Variants in PCDH9 observed in about 807,000 individuals in gnomAD.
PCDH9 encodes the protein protocadherin 9, also known as protocadherin-9.
PCDH9 carries 24 observed loss-of-function variants against 70.6 expected under a neutral mutation model. That is an observed-to-expected ratio of 0.34 (90% CI 0.25 to 0.48). The LOEUF (loss-of-function observed/expected upper bound fraction) is 0.48, where lower values mean the gene tolerates loss of function less well. Among genes scored for constraint, PCDH9 ranks in the 20% least tolerant of loss-of-function variants. The pLI, the probability that PCDH9 is intolerant of heterozygous loss-of-function variation, is 0.99. For synonymous variants in PCDH9, 562 were observed against 558.5 expected, an observed-to-expected ratio of 1.01 and a Z score of -0.09; for missense variants, 1,281 against 1,503.6, an observed-to-expected ratio of 0.85 and a Z score of 2.45.
In PCDH9 at chr13:66,749,227, G is replaced by T. The variant is rs202201854; in HGVS notation, c.3139-117816C>A. Among the ~76,000 whole-genome samples, 25 of 152,256 alleles carry T rather than the reference G, an allele frequency of 1.6e-4. No individual in the cohort carries two copies. The East Asian group carries it at 4.4e-3, about 27-fold the overall frequency. On this transcript the variant is annotated intron_variant, in intron 3 of 4. Coordinates refer to ENST00000377865, the MANE Select transcript of PCDH9 (RefSeq NM_203487.3). ...TATCAACAAATCAGATGATGTGGGT[G>T]CAGGGAGCACTCTAGCAACCTCTGC...
At chr13:66,849,774 A>G (rs2081284560) in intron 3 of PCDH9, among the ~76,000 whole-genome samples, 1 of 152,140 alleles carries the variant, frequency 6.6e-6, no homozygotes, top group African/African-American at 2.4e-5. Flanking sequence ...CTCTGGTAAT[A>G]TAAGGAGCTA....
chr13:66,658,743 G>T (rs2077965975), intron 3 of PCDH9, among the ~76,000 whole-genome samples: 1 of 152,114 alleles, frequency 6.6e-6, no homozygotes, highest in Admixed American at 6.6e-5. Context: ...TATATAAAAT[G>T]ATGATACTTT....
At chr13:66,326,458 G>A (rs985752008) in intron 4 of PCDH9, among the ~76,000 whole-genome samples, 1 of 149,414 alleles carries the variant, frequency 6.7e-6, no homozygotes, top group African/African-American at 2.5e-5. Flanking sequence ...TTGCTCCGTC[G>A]CCCAGGCTGG....
intron 3 of PCDH9, among the ~76,000 whole-genome samples, chr13:66,821,051 G>A (rs1276781489): frequency 1.3e-5 from 2 of 151,896 alleles, no homozygotes; most frequent in Admixed American, 6.6e-5. Flanking sequence ...CATAAGCTTC[G>A]AATACCAAGT....
chr13:66,969,874 G>C (rs1402084667), intron 2 of PCDH9, among the ~76,000 whole-genome samples: 1 of 151,888 alleles, frequency 6.6e-6, no homozygotes, highest in Admixed American at 6.6e-5. Context: ...ATTTTGGAGA[G>C]GGAAAGTCTA....
At chr13:66,517,104 G>A (rs3922753) in intron 4 of PCDH9, among the ~76,000 whole-genome samples, 17,765 of 152,022 alleles carry the variant, frequency 0.12, 1,247 homozygotes, top group Middle Eastern at 0.22. Context: ...TTGCCCACAC[G>A]TGCCAAACTA....
intron 3 of PCDH9, among the ~76,000 whole-genome samples, chr13:66,803,304 G>C (rs1045419463): frequency 1.3e-5 from 2 of 152,170 alleles, no homozygotes; most frequent in African/African-American, 4.8e-5. Context: ...TGCAGAGATG[G>C]TGTGTGCATT....
At chr13:66,782,978 A>G (rs1333709922) in intron 3 of PCDH9, among the ~76,000 whole-genome samples, 1 of 152,178 alleles carries the variant, frequency 6.6e-6, no homozygotes, top group Non-Finnish European at 1.5e-5. Context: ...TTCCCATTGC[A>G]AGAAAACAAA....
chr13:66,471,406 A>C (rs1305379408), intron 4 of PCDH9, among the ~76,000 whole-genome samples: 1 of 152,224 alleles, frequency 6.6e-6, no homozygotes, highest in Non-Finnish European at 1.5e-5. Context: ...ACTACTGCAG[A>C]GATTTACTAA....
chr13:66,880,666 C>A (rs1023648443), intron 3 of PCDH9, among the ~76,000 whole-genome samples: 1 of 152,072 alleles, frequency 6.6e-6, no homozygotes, highest in Non-Finnish European at 1.5e-5. Context: ...TGACTCCCTT[C>A]TTAGGTCTAT....
chr13:66,892,503 C>T (rs2082112890), intron 3 of PCDH9, among the ~76,000 whole-genome samples: 1 of 151,814 alleles, frequency 6.6e-6, no homozygotes, highest in African/African-American at 2.4e-5. Context: ...ATCATTTCAA[C>T]ATATCACAGC....
chr13:66,327,164 T>C (rs959120917), intron 4 of PCDH9, among the ~76,000 whole-genome samples: 3 of 152,188 alleles, frequency 2.0e-5, no homozygotes, highest in Admixed American at 6.6e-5. Context: ...GTATTGTGTG[T>C]TAGTTTGCTT....
chr13:66,808,592 A>G (rs1419019257), intron 3 of PCDH9, among the ~76,000 whole-genome samples: 1 of 152,186 alleles, frequency 6.6e-6, no homozygotes, highest in Non-Finnish European at 1.5e-5. Flanking sequence ...GTTGCCTGGT[A>G]AGTCCTTCAA....
chr13:66,430,600 T>C (rs1456169774), intron 4 of PCDH9, among the ~76,000 whole-genome samples: 1 of 152,072 alleles, frequency 6.6e-6, no homozygotes, highest in African/African-American at 2.4e-5. Flanking sequence ...GATGCCCACA[T>C]GGTGAGAGGG....
intron 3 of PCDH9, among the ~76,000 whole-genome samples, chr13:66,672,341 G>A (rs1227372602): frequency 6.6e-6 from 1 of 152,226 alleles, no homozygotes; most frequent in Non-Finnish European, 1.5e-5. Flanking sequence ...TGGGCCTGTG[G>A]GTGCACAGAA....
At chr13:66,747,672 C>CA (rs528272941) in intron 3 of PCDH9, among the ~76,000 whole-genome samples, 7 of 151,506 alleles carry the variant, frequency 4.6e-5, no homozygotes, top group Admixed American at 6.6e-5. Flanking sequence ...TATATATAAT[C>CA]AAAAAAACAT....
At chr13:66,796,547 T>C (rs2080244481) in intron 3 of PCDH9, among the ~76,000 whole-genome samples, 1 of 152,156 alleles carries the variant, frequency 6.6e-6, no homozygotes, top group Non-Finnish European at 1.5e-5. Context: ...TTTGAGATGA[T>C]ATTGAGAAAA....
At chr13:66,369,910 C>T (rs1230537702) in intron 4 of PCDH9, among the ~76,000 whole-genome samples, 1 of 152,092 alleles carries the variant, frequency 6.6e-6, no homozygotes, top group Non-Finnish European at 1.5e-5. Context: ...CCCCAGAAAG[C>T]AGTGGAAGTA....
chr13:66,563,501 T>C (rs1335265491), intron 4 of PCDH9, among the ~76,000 whole-genome samples: 1 of 152,184 alleles, frequency 6.6e-6, no homozygotes, highest in African/African-American at 2.4e-5. Flanking sequence ...TTCCCTGCTT[T>C]AAACTTCACA....
Sources: allele counts gnomAD v4.1 joint callset (sites outside exome capture counted in the v4.1 genomes callset), GRCh38; gene constraint gnomAD v4.1.1; transcripts MANE v1.5; gene names NCBI Gene and HGNC (gene_info 2026-07-23, HGNC 2026-07-21).